NPSR1: variants seen among roughly 807,000 people sequenced by gnomAD.
NPSR1 encodes neuropeptide S receptor.
In NPSR1, 48 loss-of-function variants were observed where a neutral mutation model predicts 46.9. The ratio of observed to expected loss-of-function variants is 1.02; its 90% CI spans 0.81 to 1.30. The LOEUF is 1.30. NPSR1 is among the 50% of genes most tolerant of loss of function. NPSR1 has a pLI of 0.00. For synonymous variants in NPSR1, 176 were observed against 168.1 expected (o/e 1.05, Z -0.36); for missense variants, 450 against 449.5 (o/e 1.00, Z -0.01).
Position 34,658,262 on chromosome 7 carries a change from C to G in NPSR1, c.-151C>G. 1 of 750,370 alleles carries G rather than the reference C, an allele frequency of 1.3e-6. No individual in the cohort carries two copies. The highest frequency in any genetic ancestry group is 1.8e-5 in the South Asian group (1 of 54,816). The allele number at this position is 750,370 out of a possible 1,614,324, so 46.5% of individuals were successfully genotyped here. A position where few individuals can be genotyped will look rare whatever the true frequency, so the allele number is the denominator to read the frequency against. ...GCAGCACGTAGATCCTCCCTGTCATCAGGCAGAGCTCTTCAGTGAGGTGGG... is the reference window on the plus strand; with the variant it reads ...GCAGCACGTAGATCCTCCCTGTCATGAGGCAGAGCTCTTCAGTGAGGTGGG... On this transcript the variant is annotated 5_prime_UTR_variant, in exon 1 of 9. In the 5' UTR this introduces an upstream ATG that the reference lacks. Coordinates refer to ENST00000360581, the MANE Select transcript of NPSR1 (RefSeq NM_207172.2).
rs1451578362 is a variant in NPSR1, at chr7:34,750,963, C to T, written c.281-27499C>T. 2.5e-5 allele frequency: 19 copies of T among 763,198 alleles called. 1 individual carries two copies. In the East Asian group the frequency reaches 3.4e-4, roughly 14 times the overall value. 47.3% of individuals were successfully genotyped at this position (763,198 alleles called of 1,614,324 possible). A position where few individuals can be genotyped will look rare whatever the true frequency, so the allele number is the denominator to read the frequency against. ...GTGGCTGATGATATCTGGAAGGAGACTATAGATTGCATTGCCCTTGTGGAA... is the reference window on the plus strand; with the variant it reads ...GTGGCTGATGATATCTGGAAGGAGATTATAGATTGCATTGCCCTTGTGGAA... On this transcript the variant is annotated intron_variant, in intron 2 of 8. Coordinates refer to ENST00000360581, the MANE Select transcript of NPSR1 (RefSeq NM_207172.2).
At chr7:34,736,801 C>A (rs960627930) in intron 2 of NPSR1, among the ~76,000 whole-genome samples, 2 of 152,018 alleles carry the variant, frequency 1.3e-5, no homozygotes, top group Admixed American at 6.6e-5. Context: ...GACATAAGGT[C>A]TCTCTCTCCT....
In NPSR1 at chr7:34,797,653, C is replaced by A. The variant is rs138735962; in HGVS notation, c.385-14117C>A. Among the ~76,000 whole-genome samples, 173 of 152,134 alleles carry A rather than the reference C, an allele frequency of 1.1e-3. 1 individual carries two copies. Among genetic ancestry groups the A allele is most frequent in the African/African-American group, 4.1e-3 (171 of 41,520 alleles). ...AAAAATTTTCTAAATTAATGGCAAACACCAATCCAGAGATCCAGGAAGCTC... is the reference window on the plus strand; with the variant it reads ...AAAAATTTTCTAAATTAATGGCAAAAACCAATCCAGAGATCCAGGAAGCTC... On this transcript the variant is annotated intron_variant, in intron 3 of 8. Transcript: ENST00000360581.
chr7:34,661,276 T>C (rs868531605), intron 1 of NPSR1, among the ~76,000 whole-genome samples: 29 of 152,210 alleles, frequency 1.9e-4, no homozygotes, highest in Admixed American at 4.6e-4. Context: ...CTATTCCATT[T>C]CTAAGCCAAT....
chr7:34,862,232 AG>A (rs1791206474), intron 8 of NPSR1, among the ~76,000 whole-genome samples: 1 of 151,558 alleles, frequency 6.6e-6, no homozygotes, highest in South Asian at 2.1e-4. Flanking sequence ...CGGGAGTGGG[AG>A]TTGGGGGGTG....
At chr7:34,834,717 C>T (rs1790288706) in intron 6 of NPSR1, among the ~76,000 whole-genome samples, 1 of 152,172 alleles carries the variant, frequency 6.6e-6, no homozygotes, top group Non-Finnish European at 1.5e-5. Context: ...TAGCCTTTGA[C>T]CTAGGATCCA....
In NPSR1 at chr7:34,827,580, T is replaced by C. The variant is rs1789918261; in HGVS notation, c.658T>C (p.Phe220Leu). The C allele has an allele frequency of 4.2e-6, 6 of 1,428,192 alleles. No individual in the cohort carries two copies. Among genetic ancestry groups the C allele is most frequent in the Admixed American group, 1.9e-5 (1 of 53,216 alleles). The allele number at this position is 1,428,192 out of a possible 1,614,324, so 88.5% of individuals were successfully genotyped here. Residue 220 changes from phenylalanine to leucine, a missense_variant, in exon 5 of 9, where the codon TTC (phenylalanine) becomes CTC (leucine). By Grantham distance (22) the Phe-to-Leu change is conservative. Transcript: ENST00000360581. Reference protein sequence around the residue: ...YMTIVAFLVYFIPLTIISIMY... With the variant: ...YMTIVAFLVYLIPLTIISIMY... ...GACCATCGTGGCCTTCCTGGTGTAC[T>C]TCATCCCTCTGACAATCATCAGGTA...
At chr7:34,723,469 A>C (rs1185483703) in intron 2 of NPSR1, 1 of 152,480 alleles carries the variant, frequency 6.6e-6, no homozygotes, top group Admixed American at 6.6e-5. Context: ...ATTTGAACAA[A>C]GCATCCTTTC....
At chr7:34,670,126 A>T (rs933902539) in intron 1 of NPSR1, among the ~76,000 whole-genome samples, 2 of 152,234 alleles carry the variant, frequency 1.3e-5, no homozygotes, top group African/African-American at 4.8e-5. Flanking sequence ...ATAATTTGAA[A>T]TTTTTATTTA....
At chr7:34,863,871 C>T (rs1425470727) in intron 8 of NPSR1, among the ~76,000 whole-genome samples, 1 of 151,706 alleles carries the variant, frequency 6.6e-6, no homozygotes, top group Non-Finnish European at 1.5e-5. Flanking sequence ...AATCCCATTA[C>T]TAGGTATATA....
chr7:34,789,740 CAAAAAA>C (rs751424409), intron 3 of NPSR1, among the ~76,000 whole-genome samples: 77 of 45,342 alleles, frequency 1.7e-3, no homozygotes, highest in Admixed American at 3.2e-3. Flanking sequence ...TTGCAGTGCG[CAAAAAA>C]AAAAAAAAAA....
At chr7:34,846,769 C>T (rs1790754237) in intron 7 of NPSR1, among the ~76,000 whole-genome samples, 1 of 152,206 alleles carries the variant, frequency 6.6e-6, no homozygotes, top group African/African-American at 2.4e-5. Flanking sequence ...CCTCCATTTA[C>T]AACAGAATTG....
At chr7:34,790,988 A>T (rs547414501) in intron 3 of NPSR1, among the ~76,000 whole-genome samples, 2,211 of 92,530 alleles carry the variant, frequency 0.024, 216 homozygotes, top group African/African-American at 0.095. Flanking sequence ...ATGTTATATT[A>T]TATATGTTAT....
At chr7:34,817,866 C>T (rs542890790) in intron 4 of NPSR1, among the ~76,000 whole-genome samples, 12 of 152,250 alleles carry the variant, frequency 7.9e-5, no homozygotes, top group South Asian at 4.1e-4. Flanking sequence ...CAAAATCCAA[C>T]GCCCTTCATG....
intron 2 of NPSR1, among the ~76,000 whole-genome samples, chr7:34,774,728 A>T (rs1024087446): frequency 2.6e-5 from 4 of 152,136 alleles, no homozygotes; most frequent in Admixed American, 2.6e-4. Flanking sequence ...CCACCAGATC[A>T]TATGCCTCAA....
intron 2 of NPSR1, among the ~76,000 whole-genome samples, chr7:34,745,474 C>A (rs1379706785): frequency 2.0e-5 from 3 of 152,074 alleles, no homozygotes; most frequent in African/African-American, 7.2e-5. Flanking sequence ...ATTCCTCTTT[C>A]ATCAAACTTG....
intron 2 of NPSR1, 77 bp downstream of exon 2, chr7:34,684,761 CAA>C (rs11290993): frequency 0.14 from 128,903 of 934,778 alleles, 5,549 homozygotes; most frequent in African/African-American, 0.18. Context: ...TGAATTTTAT[CAA>C]AAAAAAAAAA....
At chr7:34,715,650 G>T (rs1345208691) in intron 2 of NPSR1, among the ~76,000 whole-genome samples, 1 of 152,230 alleles carries the variant, frequency 6.6e-6, no homozygotes, top group Non-Finnish European at 1.5e-5. Context: ...GAGGCCACGT[G>T]TTGAGATGGT....
chr7:34,725,045 C>A (rs372008960), intron 2 of NPSR1, among the ~76,000 whole-genome samples: 3 of 150,794 alleles, frequency 2.0e-5, no homozygotes, highest in African/African-American at 7.3e-5. Context: ...GGAAAAGGAG[C>A]AAAAAAGGAA....
Sources: gnomAD v4.1 joint callset for allele counts (sites outside exome capture counted in the v4.1 genomes callset) on GRCh38, gnomAD v4.1.1 for gene constraint, MANE v1.5 for transcripts, NCBI Gene and HGNC (gene_info 2026-07-23, HGNC 2026-07-21) for gene names.